The following MYO9B variants were observed in gnomAD, a reference collection of about 807,000 sequenced individuals.
The protein encoded by MYO9B is myosin IXB, also known as unconventional myosin-IXb.
Under a neutral mutation model 229.5 loss-of-function variants are expected in MYO9B, and 71 were observed. The observed-to-expected ratio is 0.31, with a 90% CI of 0.26 to 0.38. The LOEUF is 0.38. Among genes scored for constraint, MYO9B ranks in the 10% least tolerant of loss-of-function variants. MYO9B has a pLI of 1.00. For missense variants in MYO9B, 2,255 were observed against 2,920.5 expected (o/e 0.77, Z 5.25); for synonymous variants, 1,185 against 1,235.8 (o/e 0.96, Z 0.86).
At chr19:17,126,517 T>C (rs904107418) in intron 2 of MYO9B, among the ~76,000 whole-genome samples, 3 of 152,182 alleles carry the variant, frequency 2.0e-5, no homozygotes, top group Admixed American at 2.0e-4. Flanking sequence ...TCTGTCAGAA[T>C]GGCTTGACTC....
At chr19:17,128,781 G>A (rs905129597) in intron 2 of MYO9B, among the ~76,000 whole-genome samples, 1 of 152,248 alleles carries the variant, frequency 6.6e-6, no homozygotes, top group Non-Finnish European at 1.5e-5. Context: ...ATAACAGGAG[G>A]TCCAAGCTGG....
At chr19:17,111,215 C>T (rs536432911) in intron 2 of MYO9B, among the ~76,000 whole-genome samples, 77 of 152,244 alleles carry the variant, frequency 5.1e-4, no homozygotes, top group African/African-American at 1.7e-3. Context: ...GGCAGACTGA[C>T]CACCCCCACC....
chr19:17,206,787 A>G lies in MYO9B; in HGVS notation c.5492+3A>G. On this transcript the variant is annotated splice_donor_region_variant and intron_variant, in intron 34 of 39. Transcript: ENST00000682292. Reference sequence around the variant, plus strand: ...AGACTCATCTTCCACCTTGTCAAGCAAGTGCCTCCCCACCTGCCCTCTGTG... The same window carrying G: ...AGACTCATCTTCCACCTTGTCAAGCGAGTGCCTCCCCACCTGCCCTCTGTG... 6.4e-7 allele frequency: 1 copy of G among 1,574,370 alleles called. No individual in the cohort carries two copies. The highest frequency in any genetic ancestry group is 8.6e-7 in the Non-Finnish European group (1 of 1,158,946).
At position 17,193,155 on chromosome 19, in the gene MYO9B, G is replaced by A; in HGVS notation, c.3128+93G>A. The stretch of plus-strand genomic sequence containing the variant: ...GCCCGTGATATACCATCTGGCCTGT[G>A]GCACTAAGGGGATGTCATTCTGGAC... On this transcript the variant is annotated intron_variant, in intron 21 of 39. Transcript: ENST00000682292. The surrounding 1 kb of genome is among the most constrained non-coding windows in gnomAD (Gnocchi z 4.3). 1 of 1,295,844 alleles carries A rather than the reference G, an allele frequency of 7.7e-7. No homozygotes were observed. The highest frequency in any genetic ancestry group is 1.9e-4 in the Middle Eastern group (1 of 5,172). 80.3% of individuals were successfully genotyped at this position (1,295,844 alleles called of 1,614,324 possible). A position where few individuals can be genotyped will look rare whatever the true frequency, so the allele number is the denominator to read the frequency against.
At chr19:17,095,608 T>C (rs1305325766) in intron 1 of MYO9B, 2 of 152,244 alleles carry the variant, frequency 1.3e-5, no homozygotes, top group African/African-American at 4.8e-5. Context: ...CATCTGCCGA[T>C]GGACATGGGG....
At chr19:17,131,088 C>T (rs1568265517) in intron 2 of MYO9B, among the ~76,000 whole-genome samples, 1 of 152,136 alleles carries the variant, frequency 6.6e-6, no homozygotes, top group East Asian at 1.9e-4. Context: ...CTAGAAACTG[C>T]TGTATGCTCA....
At chr19:17,087,380 C>T (rs557889187) in intron 1 of MYO9B, among the ~76,000 whole-genome samples, 11 of 152,290 alleles carry the variant, frequency 7.2e-5, no homozygotes, top group African/African-American at 1.9e-4. Context: ...AAACTGAACA[C>T]GTTCAGAAGA....
intron 1 of MYO9B, among the ~76,000 whole-genome samples, chr19:17,089,869 T>A (rs1600024122): frequency 6.6e-6 from 1 of 152,166 alleles, no homozygotes; most frequent in East Asian, 1.9e-4. Flanking sequence ...CAGCTCTATC[T>A]GATTCCAGAA....
chr19:17,108,263 C>T (rs954951032), intron 2 of MYO9B, among the ~76,000 whole-genome samples: 7 of 152,190 alleles, frequency 4.6e-5, no homozygotes, highest in African/African-American at 9.7e-5. Flanking sequence ...GTGCCCACGC[C>T]GGCTTCCAAA....
intron 2 of MYO9B, among the ~76,000 whole-genome samples, chr19:17,126,227 A>T (rs988878050): frequency 2.0e-5 from 3 of 152,036 alleles, no homozygotes; most frequent in African/African-American, 7.2e-5. Flanking sequence ...GCTCCCAGGG[A>T]GTCTCTTCTC....
rs565261480 is a variant in MYO9B at position 17,209,436 on chromosome 19, T to G, written c.5625-150T>G. On this transcript the variant is annotated intron_variant, in intron 35 of 39. Transcript: ENST00000682292. ...TAGAGTGAGCTGCCGAAGGTCACAC[T>G]GCATGGGAGCTGGCACAGCCGTGTC... 43 of 754,046 alleles carry G rather than the reference T, an allele frequency of 5.7e-5. No individual in the cohort carries two copies. The South Asian group carries it at 7.4e-4, about 13-fold the overall frequency. 46.7% of individuals were successfully genotyped at this position (754,046 alleles called of 1,614,324 possible). A position where few individuals can be genotyped will look rare whatever the true frequency, so the allele number is the denominator to read the frequency against.
intron 19 of MYO9B, among the ~76,000 whole-genome samples, chr19:17,190,698 G>A (rs888743038): frequency 6.0e-5 from 9 of 149,070 alleles, no homozygotes; most frequent in South Asian, 2.1e-4. Context: ...TCTCTCTGTC[G>A]CCCAGGCTGG....
intron 2 of MYO9B, among the ~76,000 whole-genome samples, chr19:17,143,897 G>A (rs1415995080): frequency 6.6e-6 from 1 of 152,156 alleles, no homozygotes; most frequent in African/African-American, 2.4e-5. Flanking sequence ...CCCCAGCCTG[G>A]GCAACAGGGC....
chr19:17,205,164 A>AAAAAAAG, intron 30 of MYO9B, 99 bp from the exon 31 acceptor site: 1 of 748,890 alleles, frequency 1.3e-6, no homozygotes, highest in Non-Finnish European at 2.1e-6. Context: ...AAAAAAAAAA[A>AAAAAAAG]AAGAAGGCAA....
intron 27 of MYO9B, 41 bp from the exon 28 acceptor site, chr19:17,202,089 C>T (rs2073112277): frequency 3.1e-6 from 5 of 1,612,378 alleles, no homozygotes; most frequent in Non-Finnish European, 4.2e-6. Context: ...CCCATCCGCC[C>T]CTTGCCCAGG....
chr19:17,106,334 G>A (rs1599328504), intron 2 of MYO9B, among the ~76,000 whole-genome samples: 2 of 152,142 alleles, frequency 1.3e-5, no homozygotes, highest in South Asian at 2.1e-4. Context: ...TTGCTGTGTG[G>A]CAGGCTATGA....
At chr19:17,184,085 C>G in intron 16 of MYO9B, 1 of 579,440 alleles carries the variant, frequency 1.7e-6, no homozygotes, top group Non-Finnish European at 3.0e-6. Flanking sequence ...TTTGCACACA[C>G]AGCGGCTTAT....
chr19:17,099,907 C>T (rs1375604583), intron 1 of MYO9B, among the ~76,000 whole-genome samples: 1 of 150,824 alleles, frequency 6.6e-6, no homozygotes, highest in Non-Finnish European at 1.5e-5. Flanking sequence ...CACCTGAGGT[C>T]AGGAGTTCGA....
At chr19:17,080,376 T>A (rs1186436519) in intron 1 of MYO9B, among the ~76,000 whole-genome samples, 1 of 152,166 alleles carries the variant, frequency 6.6e-6, no homozygotes, top group Non-Finnish European at 1.5e-5. Context: ...TTGGCAGGGT[T>A]CGTGCCTTCG....
Sources: gnomAD v4.1 joint callset for allele counts (sites outside exome capture counted in the v4.1 genomes callset) on GRCh38, gnomAD v4.1.1 for gene constraint, Gnocchi (gnomAD v3.1) non-coding constraint, MANE v1.5 for transcripts, NCBI Gene and HGNC (gene_info 2026-07-23, HGNC 2026-07-21) for gene names.